Variants in BCAR3 observed in about 807,000 individuals in gnomAD.
BCAR3 encodes BCAR3 adaptor protein, NSP family member, also known as breast cancer anti-estrogen resistance protein 3.
Under a neutral mutation model 80.1 loss-of-function variants are expected in BCAR3, and 37 were observed. The observed-to-expected ratio is 0.46, with a 90% CI of 0.36 to 0.61. BCAR3 has a LOEUF of 0.61. BCAR3 is among the 20% of genes least tolerant of loss of function. The pLI, the probability that BCAR3 is intolerant of heterozygous loss-of-function variation, is 0.00. For missense variants in BCAR3, 978 were observed against 1,068.2 expected, an observed-to-expected ratio of 0.92 and a Z score of 1.18; for synonymous variants, 389 against 418.9, an observed-to-expected ratio of 0.93 and a Z score of 0.87.
At position 93,817,786 on chromosome 1, in the gene BCAR3, GT is replaced by G. The variant is rs1200846764; in HGVS notation, c.-63+27780del. Among the ~76,000 whole-genome samples, 10 of 152,066 alleles carry G rather than the reference GT, an allele frequency of 6.6e-5. No individual in the cohort carries two copies. In the East Asian group the frequency reaches 7.8e-4, roughly 12 times the overall value. On this transcript the variant is annotated intron_variant, in intron 2 of 13. Coordinates refer to the BCAR3 transcript ENST00000370244. ...TGATGGGCTACAGCTGACTAGCCCT[GT>G]TTACCCCCCCACATCCCTGCCCAGC...
chr1:93,571,256 TC>T (rs1193941382), intron 9 of BCAR3, among the ~76,000 whole-genome samples: 1 of 150,362 alleles, frequency 6.7e-6, no homozygotes, highest in Non-Finnish European at 1.5e-5. Context: ...TGCCTGTAAT[TC>T]CAGCACTTCG....
At chr1:93,678,070 C>T (rs1183805884) in intron 1 of BCAR3, among the ~76,000 whole-genome samples, 1 of 152,176 alleles carries the variant, frequency 6.6e-6, no homozygotes, top group Non-Finnish European at 1.5e-5. Context: ...CATTGGTTCT[C>T]AACCTGGCTA....
intron 3 of BCAR3, among the ~76,000 whole-genome samples, chr1:93,614,297 G>A (rs1675038358): frequency 6.6e-6 from 1 of 152,094 alleles, no homozygotes; most frequent in Non-Finnish European, 1.5e-5. Context: ...ATCATTAGCA[G>A]CCCCTCTCCC....
At position 93,567,818 on chromosome 1, in the gene BCAR3, G is replaced by T; in HGVS notation, c.2008C>A (p.Arg670=). The change falls in exon 10 of 12, where the codon CGG becomes AGG. Residue 670 remains arginine (R), a synonymous_variant. Coordinates refer to ENST00000260502, the MANE Select transcript of BCAR3 (RefSeq NM_003567.4). The part of the protein sequence containing the change: ...TRLEKTWTAL[R]HQYTQTAILY... ...ATGGCAGTTTGGGTGTACTGGTGCCGCAGAGCAGTCCACGTCTTTTCTAAC... is the reference window on the plus strand; with the variant it reads ...ATGGCAGTTTGGGTGTACTGGTGCCTCAGAGCAGTCCACGTCTTTTCTAAC... 2.5e-6 allele frequency: 4 copies of T among 1,614,126 alleles called. No homozygotes were observed. Among genetic ancestry groups the T allele is most frequent in the Non-Finnish European group, 3.4e-6 (4 of 1,179,962 alleles).
Position 93,574,254 on chromosome 1 carries a change from A to G in BCAR3, c.1802+1760T>C, listed in dbSNP as rs1026716822. 8.5e-5 allele frequency among the ~76,000 whole-genome samples: 13 copies of G among 152,246 alleles called. 1 individual carries two copies. The highest frequency in any genetic ancestry group is 3.1e-4 in the African/African-American group (13 of 41,462). ...GAGGAGGCACTCAGATGTCACATGA[A>G]GGACACTTCCAGAGCAGTATGCCTG... On this transcript the variant is annotated intron_variant, in intron 8 of 11. Transcript: ENST00000260502.
chr1:93,698,565 G>T (rs1174134056), intron 3 of BCAR3, among the ~76,000 whole-genome samples: 1 of 152,134 alleles, frequency 6.6e-6, no homozygotes, highest in Admixed American at 6.5e-5. Context: ...CAACCACGAG[G>T]CCTCCGTGGC....
chr1:93,617,552 T>A (rs148127363), intron 3 of BCAR3, among the ~76,000 whole-genome samples: 1 of 152,104 alleles, frequency 6.6e-6, no homozygotes, highest in African/African-American at 2.4e-5. Flanking sequence ...CGGTCAGGGG[T>A]GAACACCAGT....
intron 3 of BCAR3, among the ~76,000 whole-genome samples, chr1:93,609,441 C>T (rs191536675): frequency 1.2e-4 from 18 of 152,276 alleles, no homozygotes; most frequent in Admixed American, 9.8e-4. Flanking sequence ...GTGGCTTTTC[C>T]GCCCTTGCAA....
intron 3 of BCAR3, among the ~76,000 whole-genome samples, chr1:93,628,235 C>T (rs114860093): frequency 0.01 from 1,558 of 152,240 alleles, 19 homozygotes; most frequent in African/African-American, 0.035. Flanking sequence ...TCTGCCTTCA[C>T]GTTACATTCC....
chr1:93,610,772 CCT>C (rs1674923017), intron 3 of BCAR3, among the ~76,000 whole-genome samples: 1 of 152,076 alleles, frequency 6.6e-6, no homozygotes, highest in African/African-American at 2.4e-5. Flanking sequence ...ATGGTGAAAC[CCT>C]GTCTCTACTA....
intron 2 of BCAR3, among the ~76,000 whole-genome samples, chr1:93,673,251 GGAAGA>G (rs1648305837): frequency 1.3e-5 from 2 of 152,122 alleles, no homozygotes; most frequent in Non-Finnish European, 2.9e-5. Flanking sequence ...GTAAACTCTG[GGAAGA>G]TATTGCTTCA....
chr1:93,607,632 G>A (rs1431269836), intron 3 of BCAR3, among the ~76,000 whole-genome samples: 1 of 151,484 alleles, frequency 6.6e-6, no homozygotes. Context: ...GGCCCAGCAT[G>A]CTCTGTTCCC....
At chr1:93,758,325 G>C (rs1386766870) in intron 2 of BCAR3, among the ~76,000 whole-genome samples, 4 of 152,246 alleles carry the variant, frequency 2.6e-5, no homozygotes, top group Admixed American at 2.6e-4. Context: ...GGAGGACAAA[G>C]AAGAGTTTCC....
At chr1:93,697,152 T>C (rs1283950016) in intron 3 of BCAR3, among the ~76,000 whole-genome samples, 1 of 152,212 alleles carries the variant, frequency 6.6e-6, no homozygotes, top group Non-Finnish European at 1.5e-5. Context: ...TACCAGAAAC[T>C]TGGCTTCAGA....
chr1:93,781,323 G>C (rs1189131532), intron 2 of BCAR3, among the ~76,000 whole-genome samples: 2 of 151,914 alleles, frequency 1.3e-5, no homozygotes, highest in African/African-American at 2.4e-5. Flanking sequence ...TTAGCTCATG[G>C]GCCACATGGC....
In BCAR3 at chr1:93,589,323, G is replaced by A. The variant is rs1422446849; in HGVS notation, c.583C>T (p.Leu195Phe). 1 of 1,614,076 alleles carries A rather than the reference G, an allele frequency of 6.2e-7. No homozygotes were observed. Among genetic ancestry groups the A allele is most frequent in the Non-Finnish European group, 8.5e-7 (1 of 1,180,044 alleles). ...NFVLTCQWKN[L>F]AQHFKINRTV... ...CGGTTGATTTTGAAGTGCTGAGCGAGGTTCTTCCACTGACAGGTCAGGACA... is the reference window on the plus strand; with the variant it reads ...CGGTTGATTTTGAAGTGCTGAGCGAAGTTCTTCCACTGACAGGTCAGGACA... The change falls in exon 5 of 12, where the codon CTC (leucine) becomes TTC (phenylalanine). Residue 195 changes from leucine to phenylalanine, a missense_variant. By Grantham distance (22) the Leu-to-Phe change is conservative. Transcript: ENST00000260502.
intron 2 of BCAR3, among the ~76,000 whole-genome samples, chr1:93,839,236 G>A (rs749683281): frequency 1.3e-5 from 2 of 152,144 alleles, no homozygotes; most frequent in Non-Finnish European, 2.9e-5. Flanking sequence ...GCAGTGAGCC[G>A]AGATTGTGGC....
chr1:93,705,662 C>A (rs528340532), intron 3 of BCAR3, among the ~76,000 whole-genome samples: 1 of 152,250 alleles, frequency 6.6e-6, no homozygotes. Context: ...ACCCTCCCCA[C>A]CTTACGGCAG....
intron 2 of BCAR3, among the ~76,000 whole-genome samples, chr1:93,750,766 C>A (rs1308217585): frequency 6.6e-6 from 1 of 152,150 alleles, no homozygotes; most frequent in Non-Finnish European, 1.5e-5. Context: ...CAAGGCCCTC[C>A]CAGGTCAGGC....
Sources: gnomAD v4.1 joint callset for allele counts (sites outside exome capture counted in the v4.1 genomes callset) on GRCh38, gnomAD v4.1.1 for gene constraint, MANE v1.5 for transcripts, NCBI Gene and HGNC (gene_info 2026-07-23, HGNC 2026-07-21) for gene names.